Variants in ZFHX3 observed in about 807,000 individuals in gnomAD.
The protein encoded by ZFHX3 is zinc finger homeobox 3.
ZFHX3 carries 42 observed loss-of-function variants against 279.1 expected under a neutral mutation model. The ratio of observed to expected loss-of-function variants is 0.15; its 90% CI spans 0.12 to 0.19. The LOEUF (loss-of-function observed/expected upper bound fraction) is 0.19, where lower values mean the gene tolerates loss of function less well. Ranked by LOEUF, ZFHX3 falls within the 10% of genes least tolerant of loss-of-function variation. The pLI is 1.00. For synonymous variants in ZFHX3, 2,293 were observed against 1,957.8 expected (o/e 1.17, Z -4.52); for missense variants, 4,981 against 4,754.0 (o/e 1.05, Z -1.40).
intron 2 of ZFHX3, among the ~76,000 whole-genome samples, chr16:73,481,894 G>A (rs1327517429): frequency 6.6e-6 from 1 of 152,116 alleles, no homozygotes; most frequent in African/African-American, 2.4e-5. Context: ...CATGGGTTAT[G>A]TCAGCCCAGG....
At chr16:73,407,265 C>G (rs2017379244) in intron 3 of ZFHX3, among the ~76,000 whole-genome samples, 1 of 152,158 alleles carries the variant, frequency 6.6e-6, no homozygotes, top group Non-Finnish European at 1.5e-5. Flanking sequence ...GTAAATGCGG[C>G]CGCTATGCTT....
chr16:73,296,144 G>A (rs142380446), intron 4 of ZFHX3, among the ~76,000 whole-genome samples: 8 of 151,850 alleles, frequency 5.3e-5, no homozygotes, highest in African/African-American at 1.7e-4. Context: ...TGCATATTCT[G>A]TTTGGAAATA....
At chr16:73,065,730 C>T (rs1021933713) in intron 8 of ZFHX3, among the ~76,000 whole-genome samples, 1 of 151,958 alleles carries the variant, frequency 6.6e-6, no homozygotes, top group Admixed American at 6.6e-5. Context: ...ACCGGCTGCA[C>T]GTCTAAAGGG....
chr16:73,316,864 G>A (rs1264613416), intron 4 of ZFHX3, among the ~76,000 whole-genome samples: 1 of 152,174 alleles, frequency 6.6e-6, no homozygotes, highest in Non-Finnish European at 1.5e-5. Flanking sequence ...CAAGATTCTT[G>A]ATTTGTTTCT....
In ZFHX3 at chr16:72,786,787, T is replaced by TGTG. The variant is rs2035395278; in HGVS notation, c.*376_*377insCAC. ...CTTTCCCATACAGTGCATGCCGGGC[T>TGTG]CCTCTGTGCTATCAGCGTGGGGCGT... On this transcript the variant is annotated 3_prime_UTR_variant, in exon 10 of 10. Coordinates refer to ENST00000268489, the MANE Select transcript of ZFHX3 (RefSeq NM_006885.4). The TGTG allele has an allele frequency of 6.5e-6, 1 of 153,874 alleles. No individual in the cohort carries two copies. Among genetic ancestry groups the TGTG allele is most frequent in the Non-Finnish European group, 1.4e-5 (1 of 69,080 alleles). 9.5% of individuals were successfully genotyped at this position (153,874 alleles called of 1,614,324 possible).
At chr16:73,236,402 A>C (rs1409945822) in intron 5 of ZFHX3, among the ~76,000 whole-genome samples, 2 of 152,206 alleles carry the variant, frequency 1.3e-5, no homozygotes, top group Admixed American at 6.5e-5. Flanking sequence ...GTTGGAGACC[A>C]GCCTGGCCAA....
chr16:73,061,968 T>G (rs1479441160), upstream of ZFHX3: 1 of 152,180 alleles, frequency 6.6e-6, no homozygotes, highest in Non-Finnish European at 1.5e-5. Flanking sequence ...TAAATACTTA[T>G]GCTAATTTTA....
At chr16:73,521,606 C>T (rs959151957) in intron 2 of ZFHX3, among the ~76,000 whole-genome samples, 1 of 151,638 alleles carries the variant, frequency 6.6e-6, no homozygotes, top group East Asian at 1.9e-4. Flanking sequence ...TCATAGAGGC[C>T]GTTGTGAGAA....
At chr16:73,869,279 C>G (rs957849481) in intron 1 of ZFHX3, among the ~76,000 whole-genome samples, 1 of 152,062 alleles carries the variant, frequency 6.6e-6, no homozygotes, top group East Asian at 1.9e-4. Context: ...AGCAAACAGC[C>G]CCGACCACCC....
chr16:72,795,333 G>A lies in ZFHX3; in HGVS notation c.7349C>T (p.Pro2450Leu), dbSNP rs1174833718. 2 of 1,614,082 alleles carry A rather than the reference G, an allele frequency of 1.2e-6. No individual in the cohort carries two copies. Among genetic ancestry groups the A allele is most frequent in the Non-Finnish European group, 8.5e-7 (1 of 1,180,024 alleles). ...CTCTTGCTGCTGCAGCTCTGGCTTT[G>A]GTTGTCCTTGCTTTTCTTGGGTTTG... ...PNQTQEKQGQ[P>L]KPELQQQEQP... The change falls in exon 9 of 10, where the codon CCA becomes CTA. Residue 2450 changes from proline to leucine, a missense_variant. By Grantham distance (98) the Pro-to-Leu change is moderately conservative. Coordinates refer to ENST00000268489, the MANE Select transcript of ZFHX3 (RefSeq NM_006885.4).
At chr16:73,485,112 G>A (rs1195433402) in intron 2 of ZFHX3, among the ~76,000 whole-genome samples, 1 of 152,170 alleles carries the variant, frequency 6.6e-6, no homozygotes, top group Non-Finnish European at 1.5e-5. Context: ...ACAAAAATAG[G>A]AGGAGGACTG....
chr16:73,820,522 T>G (rs143869683), intron 1 of ZFHX3, among the ~76,000 whole-genome samples: 1 of 152,110 alleles, frequency 6.6e-6, no homozygotes, highest in Non-Finnish European at 1.5e-5. Flanking sequence ...TCTGGTCAAC[T>G]GCACATTGAG....
At chr16:73,247,929 AGTGT>A (rs1187712513) in intron 5 of ZFHX3, among the ~76,000 whole-genome samples, 3 of 142,918 alleles carry the variant, frequency 2.1e-5, no homozygotes, top group Admixed American at 6.9e-5. Flanking sequence ...TTGTATGTGG[AGTGT>A]GTGTGTTCGT....
intron 4 of ZFHX3, among the ~76,000 whole-genome samples, chr16:73,278,764 GTTTTACAGAGTGCTGATTGGTGCA>G (rs908546184): frequency 6.6e-6 from 1 of 152,126 alleles, no homozygotes; most frequent in African/African-American, 2.4e-5. Flanking sequence ...TGATAGGTGC[GTTTTACAGAGTGCTGATTGGTGCA>G]TTTTACAATC....
At chr16:73,698,059 A>T (rs1564437) in intron 1 of ZFHX3, among the ~76,000 whole-genome samples, 12,077 of 152,252 alleles carry the variant, frequency 0.079, 523 homozygotes, top group Non-Finnish European at 0.1. Context: ...ATATCAAAAA[A>T]AAACATAGGA....
intron 2 of ZFHX3, among the ~76,000 whole-genome samples, chr16:73,470,325 T>C (rs73598948): frequency 0.048 from 7,370 of 152,236 alleles, 565 homozygotes; most frequent in African/African-American, 0.17. Context: ...GGCCATGTCC[T>C]ATAATAAGTA....
At chr16:73,692,619 A>G (rs958440334) in intron 1 of ZFHX3, among the ~76,000 whole-genome samples, 1 of 152,214 alleles carries the variant, frequency 6.6e-6, no homozygotes, top group African/African-American at 2.4e-5. Context: ...CCATTTCTCA[A>G]CTGAATTATG....
intron 1 of ZFHX3, among the ~76,000 whole-genome samples, chr16:72,997,141 T>C (rs1485712289): frequency 2.0e-4 from 30 of 152,180 alleles, no homozygotes; most frequent in Admixed American, 2.0e-3. Flanking sequence ...ACTGCACAAG[T>C]GTTCCTGCAG....
At chr16:72,941,725 CCA>C (rs926110745) in intron 3 of ZFHX3, among the ~76,000 whole-genome samples, 7 of 151,972 alleles carry the variant, frequency 4.6e-5, no homozygotes, top group African/African-American at 1.5e-4. Context: ...ACTGAGAATT[CCA>C]CAGTTTTCTT....
Sources: gnomAD v4.1 joint callset for allele counts (sites outside exome capture counted in the v4.1 genomes callset) on GRCh38, gnomAD v4.1.1 for gene constraint, MANE v1.5 for transcripts, NCBI Gene and HGNC (gene_info 2026-07-23, HGNC 2026-07-21) for gene names.